The following GRID1 variants were observed in gnomAD, a reference collection of about 807,000 sequenced individuals.
GRID1 encodes the protein glutamate receptor ionotropic, delta-1.
In GRID1, 28 loss-of-function variants were observed where a neutral mutation model predicts 98.0. The observed-to-expected ratio is 0.29, with a 90% CI of 0.21 to 0.39. The LOEUF (loss-of-function observed/expected upper bound fraction) is 0.39. Ranked by LOEUF, GRID1 falls within the 10% of genes least tolerant of loss-of-function variation. GRID1 has a pLI of 1.00. For synonymous variants in GRID1, 553 were observed against 538.5 expected (o/e 1.03, Z -0.37); for missense variants, 1,111 against 1,340.5 (o/e 0.83, Z 2.67).
At chr10:86,297,696 AGT>A (rs1847614949) in intron 2 of GRID1, among the ~76,000 whole-genome samples, 1 of 152,244 alleles carries the variant, frequency 6.6e-6, no homozygotes, top group African/African-American at 2.4e-5. Flanking sequence ...CATTTGTAGC[AGT>A]GTGTCAGGCA....
chr10:85,965,821 C>T (rs534346505), intron 4 of GRID1, among the ~76,000 whole-genome samples: 1 of 152,046 alleles, frequency 6.6e-6, no homozygotes, highest in South Asian at 2.1e-4. Context: ...TAGAAATTAA[C>T]CAAAGCCATA....
chr10:85,698,577 C>A (rs912308994), intron 12 of GRID1, among the ~76,000 whole-genome samples: 1 of 152,226 alleles, frequency 6.6e-6, no homozygotes, highest in East Asian at 1.9e-4. Context: ...TTAGAAGATA[C>A]CTTAGTTGCT....
At chr10:85,777,229 C>A (rs776245546) in intron 8 of GRID1, among the ~76,000 whole-genome samples, 1 of 152,158 alleles carries the variant, frequency 6.6e-6, no homozygotes, top group African/African-American at 2.4e-5. Context: ...TAGCAGTGGG[C>A]AAAGGCCAAT....
intron 4 of GRID1, among the ~76,000 whole-genome samples, chr10:85,937,946 A>C (rs1260185774): frequency 6.6e-6 from 1 of 152,206 alleles, no homozygotes; most frequent in African/African-American, 2.4e-5. Context: ...TCACATCAAG[A>C]AGTTTCTTCT....
chr10:86,232,143 A>C (rs964470487), intron 2 of GRID1, among the ~76,000 whole-genome samples: 1 of 152,162 alleles, frequency 6.6e-6, no homozygotes, highest in African/African-American at 2.4e-5. Flanking sequence ...CTCATCCCTA[A>C]GTGCAATGAG....
intron 12 of GRID1, chr10:85,709,149 A>G: frequency 3.0e-6 from 1 of 332,830 alleles, no homozygotes; most frequent in Non-Finnish European, 6.1e-6. Flanking sequence ...GCTGCAGAGC[A>G]TTCTTGGAAA....
At chr10:85,641,052 T>C (rs2132545887) in intron 13 of GRID1, among the ~76,000 whole-genome samples, 1 of 152,352 alleles carries the variant, frequency 6.6e-6, no homozygotes, top group Non-Finnish European at 1.5e-5. Context: ...AAGATTGACA[T>C]TTAAACTATT....
At chr10:86,362,072 G>A (rs1248248118) in intron 2 of GRID1, among the ~76,000 whole-genome samples, 1 of 152,204 alleles carries the variant, frequency 6.6e-6, no homozygotes, top group Admixed American at 6.5e-5. Flanking sequence ...CACCAGACAT[G>A]GAACACAGGC....
chr10:86,356,112 A>T (rs148279197), intron 2 of GRID1, among the ~76,000 whole-genome samples: 2 of 152,170 alleles, frequency 1.3e-5, no homozygotes, highest in Non-Finnish European at 2.9e-5. Flanking sequence ...AGATTGGCAG[A>T]CATGGAGAAA....
intron 8 of GRID1, among the ~76,000 whole-genome samples, chr10:85,734,197 C>A (rs777051884): frequency 4.1e-4 from 62 of 152,126 alleles, no homozygotes; most frequent in Non-Finnish European, 7.6e-4. Context: ...AGCACAGCAT[C>A]TCATATTCTA....
chr10:85,768,055 G>C (rs1006040209), intron 8 of GRID1, among the ~76,000 whole-genome samples: 3 of 152,218 alleles, frequency 2.0e-5, no homozygotes, highest in Non-Finnish European at 2.9e-5. Context: ...GCAAACCCCA[G>C]AGACTTTGGT....
At chr10:86,026,884 A>T (rs961961599) in intron 4 of GRID1, among the ~76,000 whole-genome samples, 3 of 152,212 alleles carry the variant, frequency 2.0e-5, no homozygotes, top group Non-Finnish European at 2.9e-5. Context: ...AATGCATGAC[A>T]TGCTCTCAGC....
chr10:85,676,104 G>C (rs1841142321), intron 12 of GRID1, among the ~76,000 whole-genome samples: 1 of 152,186 alleles, frequency 6.6e-6, no homozygotes, highest in Non-Finnish European at 1.5e-5. Context: ...GATATATCTT[G>C]AGTTTCTTCT....
In GRID1 at chr10:85,715,691, TA is replaced by T. The variant is rs556044572; in HGVS notation, c.1997+7311del. 1.8e-3 allele frequency among the ~76,000 whole-genome samples: 275 copies of T among 151,900 alleles called. 1 individual carries two copies. Among genetic ancestry groups the T allele is most frequent in the African/African-American group, 6.0e-3 (250 of 41,460 alleles). On this transcript the variant is annotated intron_variant, in intron 12 of 15. Coordinates refer to ENST00000327946, the MANE Select transcript of GRID1 (RefSeq NM_017551.3). ...CTTACACCTGTTAGAATGGCTATGA[TA>T]AAAAAAAGACAAAAGATAACAAGTG...
intron 13 of GRID1, among the ~76,000 whole-genome samples, chr10:85,623,442 G>A (rs1021997080): frequency 2.6e-5 from 4 of 152,130 alleles, no homozygotes; most frequent in African/African-American, 9.7e-5. Context: ...CTCCTTGTAG[G>A]GTCAGAATCA....
At chr10:86,182,831 C>T (rs1845674804) in intron 3 of GRID1, among the ~76,000 whole-genome samples, 1 of 152,176 alleles carries the variant, frequency 6.6e-6, no homozygotes, top group African/African-American at 2.4e-5. Context: ...GATTCTCAAA[C>T]TAACAAGTCT....
rs867013113 is a variant in GRID1, at chr10:85,880,080, T to G, written c.781-10900A>C. Among the ~76,000 whole-genome samples the G allele has an allele frequency of 1.7e-4, 26 of 152,276 alleles. 2 individuals are homozygous for G. Among genetic ancestry groups the G allele is most frequent in the African/African-American group, 5.8e-4 (24 of 41,552 alleles). Reference sequence around the variant, plus strand: ...TTCCAAGACTAAACCAGGAAGAAGTTGAATCTCTGAATAGACCAATAACAG... The same window carrying G: ...TTCCAAGACTAAACCAGGAAGAAGTGGAATCTCTGAATAGACCAATAACAG... On this transcript the variant is annotated intron_variant, in intron 5 of 15. Transcript: ENST00000327946.
chr10:85,652,419 G>T (rs375106048), intron 12 of GRID1, among the ~76,000 whole-genome samples: 1 of 152,194 alleles, frequency 6.6e-6, no homozygotes, highest in Admixed American at 6.5e-5. Context: ...TTCAACAACG[G>T]TGGGGATGTC....
At chr10:86,231,298 T>C (rs1000359196) in intron 2 of GRID1, among the ~76,000 whole-genome samples, 4 of 152,190 alleles carry the variant, frequency 2.6e-5, no homozygotes, top group Non-Finnish European at 4.4e-5. Context: ...GGCTGGTTCC[T>C]GGGAGGTCAG....
Sources: gnomAD v4.1 joint callset for allele counts (sites outside exome capture counted in the v4.1 genomes callset) on GRCh38, gnomAD v4.1.1 for gene constraint, MANE v1.5 for transcripts, NCBI Gene and HGNC (gene_info 2026-07-23, HGNC 2026-07-21) for gene names.